SLC14A2: variants seen among roughly 807,000 people sequenced by gnomAD.
The protein encoded by SLC14A2 is solute carrier family 14 member 2, also known as urea transporter 2.
SLC14A2 carries 91 observed loss-of-function variants against 104.6 expected under a neutral mutation model. The observed-to-expected ratio is 0.87, with a 90% CI of 0.73 to 1.04. The LOEUF (loss-of-function observed/expected upper bound fraction) is 1.04. Among genes scored for constraint, SLC14A2 ranks in the 50% least tolerant of loss-of-function variants. The pLI, the probability that SLC14A2 is intolerant of heterozygous loss-of-function variation, is 0.00. For synonymous variants in SLC14A2, 476 were observed against 466.4 expected (o/e 1.02, Z -0.27); for missense variants, 1,189 against 1,156.0 (o/e 1.03, Z -0.41).
intron 1 of SLC14A2, among the ~76,000 whole-genome samples, chr18:45,274,189 G>T (rs940410358): frequency 3.9e-5 from 6 of 152,134 alleles, no homozygotes; most frequent in Admixed American, 6.6e-5. Flanking sequence ...CAAAGTACAT[G>T]AATCAGCTGT....
intron 1 of SLC14A2, among the ~76,000 whole-genome samples, chr18:45,288,412 G>A (rs143923763): frequency 3.3e-5 from 5 of 152,308 alleles, no homozygotes; most frequent in East Asian, 1.9e-4. Flanking sequence ...CAGGAGCAAC[G>A]ATGGTGACAA....
chr18:45,615,826 TGTGTGTGTGTGAGA>T (rs1011498128), intron 1 of SLC14A2, among the ~76,000 whole-genome samples: 12 of 147,006 alleles, frequency 8.2e-5, no homozygotes, highest in African/African-American at 3.2e-4. Flanking sequence ...TATGTGTGTG[TGTGTGTGTGTGAGA>T]GAGAGAGAGA....
intron 1 of SLC14A2, among the ~76,000 whole-genome samples, chr18:45,356,062 A>G (rs975297848): frequency 1.3e-5 from 2 of 152,072 alleles, no homozygotes; most frequent in African/African-American, 4.8e-5. Context: ...GATAGCTTTG[A>G]TGGGGTGTGT....
At chr18:45,365,618 G>A (rs1213394844) in intron 1 of SLC14A2, among the ~76,000 whole-genome samples, 1 of 152,158 alleles carries the variant, frequency 6.6e-6, no homozygotes, top group Non-Finnish European at 1.5e-5. Context: ...TTCGTATCAT[G>A]CCCAGCATCG....
chr18:45,619,532 C>A (rs185410326), intron 1 of SLC14A2, among the ~76,000 whole-genome samples: 1 of 152,174 alleles, frequency 6.6e-6, no homozygotes, highest in Non-Finnish European at 1.5e-5. Flanking sequence ...TTTGGAGAGA[C>A]GTGGGACTGA....
intron 2 of SLC14A2, among the ~76,000 whole-genome samples, chr18:45,530,710 T>C (rs1219017253): frequency 1.3e-5 from 2 of 152,142 alleles, no homozygotes; most frequent in Non-Finnish European, 2.9e-5. Context: ...TTTTTTATTA[T>C]TATTATACTT....
intron 2 of SLC14A2, among the ~76,000 whole-genome samples, chr18:45,600,378 A>G (rs1453026470): frequency 1.3e-5 from 2 of 152,086 alleles, no homozygotes; most frequent in East Asian, 1.9e-4. Context: ...GGTCCCCCCA[A>G]CACACACACC....
chr18:45,172,784 G>A, the SLC14A2 span, among the ~76,000 whole-genome samples: 1 of 152,078 alleles, frequency 6.6e-6, no homozygotes, highest in Non-Finnish European at 1.5e-5. Context: ...AACCTTGATG[G>A]AAGTCAATTC....
rs546630413 is a variant in SLC14A2 at position 45,529,085 on chromosome 18, C to T, written c.-35+45763C>T. ...CATCAGCTGAATGCAGCTAAGTGACCTGAGGGAACAAAAGAGCCTCCCAGC... is the reference window on the plus strand; with the variant it reads ...CATCAGCTGAATGCAGCTAAGTGACTTGAGGGAACAAAAGAGCCTCCCAGC... On this transcript the variant is annotated intron_variant, in intron 2 of 20. Coordinates refer to the SLC14A2 transcript ENST00000586448. 6.0e-4 allele frequency: 91 copies of T among 152,318 alleles called. 1 individual carries two copies. Among genetic ancestry groups the T allele is most frequent in the African/African-American group, 2.0e-3 (82 of 41,562 alleles). 9.4% of individuals were successfully genotyped at this position (152,318 alleles called of 1,614,324 possible).
At chr18:45,509,692 C>T (rs2043337780) in intron 2 of SLC14A2, among the ~76,000 whole-genome samples, 1 of 152,182 alleles carries the variant, frequency 6.6e-6, no homozygotes, top group African/African-American at 2.4e-5. Flanking sequence ...ACTCTGCACC[C>T]TGTGGGCCCC....
chr18:45,523,117 C>A (rs1206966653), intron 2 of SLC14A2, among the ~76,000 whole-genome samples: 11 of 152,220 alleles, frequency 7.2e-5, no homozygotes, highest in Non-Finnish European at 1.3e-4. Flanking sequence ...ACTTTCTCAG[C>A]TGGTGAGAAT....
chr18:45,445,945 T>C (rs1162671281), intron 1 of SLC14A2, among the ~76,000 whole-genome samples: 1 of 152,228 alleles, frequency 6.6e-6, no homozygotes, highest in Non-Finnish European at 1.5e-5. Flanking sequence ...TAACCACTGA[T>C]TATTCTACCT....
At chr18:45,660,556 A>G (rs1231003881) in intron 10 of SLC14A2, among the ~76,000 whole-genome samples, 2 of 152,186 alleles carry the variant, frequency 1.3e-5, no homozygotes, top group African/African-American at 4.8e-5. Flanking sequence ...ATCTGTCATC[A>G]TTTACAGTTT....
At chr18:45,385,713 T>C (rs1259131556) in intron 1 of SLC14A2, among the ~76,000 whole-genome samples, 1 of 152,194 alleles carries the variant, frequency 6.6e-6, no homozygotes, top group Non-Finnish European at 1.5e-5. Context: ...AAATTATTAT[T>C]GTATTATTTA....
At chr18:45,575,506 A>G (rs753943752) in intron 2 of SLC14A2, among the ~76,000 whole-genome samples, 16 of 152,032 alleles carry the variant, frequency 1.1e-4, no homozygotes, top group Admixed American at 4.6e-4. Context: ...CACACTAGGC[A>G]CCCGCAGATC....
At chr18:45,481,114 TAGG>T (rs972561312) in intron 1 of SLC14A2, among the ~76,000 whole-genome samples, 23 of 152,104 alleles carry the variant, frequency 1.5e-4, no homozygotes, top group African/African-American at 5.5e-4. Context: ...TCCCCAAAAT[TAGG>T]AGGAGGCAGG....
At chr18:45,369,780 C>T (rs752098282) in intron 1 of SLC14A2, among the ~76,000 whole-genome samples, 3 of 152,138 alleles carry the variant, frequency 2.0e-5, no homozygotes, top group Non-Finnish European at 4.4e-5. Context: ...GAGAATACAA[C>T]GAGAAGCCAA....
chr18:45,608,436 G>T (rs1196837630), intron 2 of SLC14A2, among the ~76,000 whole-genome samples: 1 of 152,212 alleles, frequency 6.6e-6, no homozygotes, highest in Admixed American at 6.5e-5. Context: ...TGCCCAACAT[G>T]GCTCCGGAGT....
intron 1 of SLC14A2, among the ~76,000 whole-genome samples, chr18:45,292,639 C>T (rs1234330535): frequency 6.6e-6 from 1 of 152,170 alleles, no homozygotes; most frequent in African/African-American, 2.4e-5. Context: ...TAAATAGGGT[C>T]CCCCAAATAA....
Sources: gnomAD v4.1 joint callset for allele counts (sites outside exome capture counted in the v4.1 genomes callset) on GRCh38, gnomAD v4.1.1 for gene constraint, MANE v1.5 for transcripts, NCBI Gene and HGNC (gene_info 2026-07-23, HGNC 2026-07-21) for gene names.